NOL4: variants seen among roughly 807,000 people sequenced by gnomAD.
NOL4 encodes cancer/testis antigen 125.
In NOL4, 17 loss-of-function variants were observed where a neutral mutation model predicts 75.9. That is an observed-to-expected ratio of 0.22 (90% CI 0.15 to 0.34). The LOEUF (loss-of-function observed/expected upper bound fraction) is 0.34. Among genes scored for constraint, NOL4 ranks in the 10% least tolerant of loss-of-function variants. The pLI, the probability that NOL4 is intolerant of heterozygous loss-of-function variation, is 1.00. For missense variants in NOL4, 614 were observed against 793.5 expected, an observed-to-expected ratio of 0.77 and a Z score of 2.72; for synonymous variants, 292 against 289.9, an observed-to-expected ratio of 1.01 and a Z score of -0.07.
At chr18:34,070,316 G>A (rs181747849) in intron 5 of NOL4, among the ~76,000 whole-genome samples, 13 of 152,294 alleles carry the variant, frequency 8.5e-5, no homozygotes, top group Admixed American at 4.6e-4. Context: ...ACCGCGCCCG[G>A]CCCGCCTTGC....
intron 1 of NOL4, chr18:34,156,674 A>G (rs7236834): frequency 0.5 from 76,547 of 152,182 alleles, 19,330 homozygotes; most frequent in Admixed American, 0.57. Flanking sequence ...CTCTACTTCC[A>G]TACCACTGTC....
intron 9 of NOL4, among the ~76,000 whole-genome samples, chr18:33,905,857 C>G (rs1174094629): frequency 6.6e-6 from 1 of 152,186 alleles, no homozygotes; most frequent in East Asian, 1.9e-4. Flanking sequence ...TTTTATTCCA[C>G]AGTCATCCCT....
intron 2 of NOL4, among the ~76,000 whole-genome samples, chr18:34,124,840 G>A (rs1266385794): frequency 1.3e-5 from 2 of 151,954 alleles, no homozygotes; most frequent in Non-Finnish European, 2.9e-5. Context: ...TCGGGAGGTG[G>A]AGGTTGCAGT....
chr18:33,873,843 C>T (rs530845896), intron 10 of NOL4, among the ~76,000 whole-genome samples: 64 of 151,902 alleles, frequency 4.2e-4, no homozygotes, highest in Middle Eastern at 3.4e-3. Flanking sequence ...ATAAGAAATA[C>T]GCTTAGAATA....
At chr18:34,116,226 A>G (rs2079850113) in intron 2 of NOL4, among the ~76,000 whole-genome samples, 1 of 152,014 alleles carries the variant, frequency 6.6e-6, no homozygotes, top group South Asian at 2.1e-4. Context: ...AAACTTATCC[A>G]CCTGCAGAAA....
intron 1 of NOL4, among the ~76,000 whole-genome samples, chr18:34,165,645 T>C (rs1421581108): frequency 6.6e-6 from 1 of 152,186 alleles, no homozygotes; most frequent in African/African-American, 2.4e-5. Flanking sequence ...TTATTTGACA[T>C]TAGTGTACAC....
In NOL4 at chr18:33,949,492, G is replaced by T. The variant is rs142684102; in HGVS notation, c.1429-6314C>A. On this transcript the variant is annotated intron_variant, in intron 8 of 10. Coordinates refer to ENST00000261592, the MANE Select transcript of NOL4 (RefSeq NM_003787.5). ...GTTTTAAGAATGGAGGCCTGGAACT[G>T]CTGGTGGCAACATTTCCAAACAGGT... is the stretch of plus-strand genomic sequence containing the variant. 6.6e-3 allele frequency among the ~76,000 whole-genome samples: 1,001 copies of T among 152,182 alleles called. 6 individuals carry two copies. The highest frequency in any genetic ancestry group is 9.0e-3 in the Non-Finnish European group (615 of 67,996).
intron 6 of NOL4, among the ~76,000 whole-genome samples, chr18:33,993,961 G>C (rs183420936): frequency 6.6e-6 from 1 of 151,500 alleles, no homozygotes; most frequent in Non-Finnish European, 1.5e-5. Context: ...AATGGAAAAA[G>C]ATATATAATG....
intron 10 of NOL4, among the ~76,000 whole-genome samples, chr18:33,882,162 A>C (rs962037694): frequency 6.6e-6 from 1 of 152,214 alleles, no homozygotes; most frequent in South Asian, 2.1e-4. Context: ...CTTCATGTCT[A>C]AAACACCAAA....
Position 34,093,564 on chromosome 18 carries a change from T to C in NOL4, c.673A>G (p.Met225Val). The C allele has an allele frequency of 6.3e-7, 1 of 1,598,516 alleles. No individual in the cohort carries two copies. Among genetic ancestry groups the C allele is most frequent in the Non-Finnish European group, 8.5e-7 (1 of 1,170,642 alleles). The change falls in exon 5 of 11, where the codon ATG (methionine) becomes GTG (valine). Residue 225 changes from methionine (M) to valine (V), a missense_variant. Met to Val is a conservative substitution (Grantham distance 21). Transcript: ENST00000261592. ...GCTGACATCCGTGTTGAATCACTCA[T>C]GTCAAATTCATCACTTTCTATTGAA... ...ESSIESDEFD[M>V]SDSTRMSAVN...
At chr18:34,195,909 TAAAG>T (rs1240222958) in intron 1 of NOL4, among the ~76,000 whole-genome samples, 2 of 152,170 alleles carry the variant, frequency 1.3e-5, no homozygotes, top group Non-Finnish European at 2.9e-5. Flanking sequence ...TCCCAGTAGA[TAAAG>T]AATTCATTTT....
At chr18:34,057,713 T>C (rs2076889667) in intron 5 of NOL4, among the ~76,000 whole-genome samples, 1 of 152,240 alleles carries the variant, frequency 6.6e-6, no homozygotes, top group African/African-American at 2.4e-5. Flanking sequence ...GAAGTTGCAC[T>C]TGAAAGATTT....
chr18:34,003,046 T>C (rs2073825512), intron 6 of NOL4, among the ~76,000 whole-genome samples: 1 of 152,160 alleles, frequency 6.6e-6, no homozygotes, highest in Admixed American at 6.6e-5. Context: ...CTCTGTGTCC[T>C]TGCATAATAA....
chr18:33,911,818 G>C (rs773799054), intron 9 of NOL4, among the ~76,000 whole-genome samples: 1 of 152,090 alleles, frequency 6.6e-6, no homozygotes, highest in Non-Finnish European at 1.5e-5. Flanking sequence ...CTGCAGCAGA[G>C]ATGTATAGCT....
intron 5 of NOL4, among the ~76,000 whole-genome samples, chr18:34,033,027 C>A: frequency 6.6e-6 from 1 of 152,174 alleles, no homozygotes; most frequent in Non-Finnish European, 1.5e-5. Context: ...CCTGCTCAAC[C>A]AACACCATAG....
intron 1 of NOL4, among the ~76,000 whole-genome samples, chr18:34,150,323 A>G (rs928112121): frequency 6.6e-6 from 1 of 151,658 alleles, no homozygotes; most frequent in Non-Finnish European, 1.5e-5. Context: ...TAGGACTAAC[A>G]CTACTCAATT....
At chr18:33,856,046 G>A (rs554410127) in intron 10 of NOL4, among the ~76,000 whole-genome samples, 1 of 152,134 alleles carries the variant, frequency 6.6e-6, no homozygotes, top group East Asian at 1.9e-4. Flanking sequence ...AAATTAGACT[G>A]AAGGTAAGAA....
At chr18:34,024,660 G>A (rs1026171763) in intron 5 of NOL4, among the ~76,000 whole-genome samples, 27 of 152,038 alleles carry the variant, frequency 1.8e-4, no homozygotes, top group African/African-American at 6.0e-4. Context: ...ACACAAAGCA[G>A]GTAATGTAGG....
chr18:34,192,157 A>C (rs1211375780), intron 1 of NOL4, among the ~76,000 whole-genome samples: 2 of 152,150 alleles, frequency 1.3e-5, no homozygotes, highest in Non-Finnish European at 2.9e-5. Flanking sequence ...AGCTGTCACA[A>C]GTTTATAGCT....
Sources: allele counts gnomAD v4.1 joint callset (sites outside exome capture counted in the v4.1 genomes callset), GRCh38; gene constraint gnomAD v4.1.1; transcripts MANE v1.5; gene names NCBI Gene and HGNC (gene_info 2026-07-23, HGNC 2026-07-21).